TRIM61: variants seen among roughly 807,000 people sequenced by gnomAD.
TRIM61 encodes tripartite motif containing 61.
Under a neutral mutation model 14.2 loss-of-function variants are expected in TRIM61, and 1 was observed. The ratio of observed to expected loss-of-function variants is 0.07; its 90% CI spans 0.03 to 0.33. The LOEUF (loss-of-function observed/expected upper bound fraction) is 0.33, where lower values mean the gene tolerates loss of function less well. Ranked by LOEUF, TRIM61 falls within the 10% of genes least tolerant of loss-of-function variation. The pLI is 0.99. For missense variants in TRIM61, 19 were observed against 202.2 expected, an observed-to-expected ratio of 0.09 and a Z score of 5.49; for synonymous variants, 8 against 71.6, an observed-to-expected ratio of 0.11 and a Z score of 4.49.
chr4:164,973,494 C>T (rs1174996755), intron 2 of TRIM61, among the ~76,000 whole-genome samples: 1 of 152,068 alleles, frequency 6.6e-6, no homozygotes, highest in Non-Finnish European at 1.5e-5. Flanking sequence ...CTTACTGATC[C>T]AACACTACAA....
chr4:164,955,936 C>G (rs777286991), intron 3 of TRIM61, among the ~76,000 whole-genome samples: 7 of 152,200 alleles, frequency 4.6e-5, no homozygotes, highest in Non-Finnish European at 1.0e-4. Context: ...ACAAAGGAGA[C>G]AGAATCTGAG....
chr4:164,974,723 AAAAG>A (rs1732444559), intron 2 of TRIM61, among the ~76,000 whole-genome samples: 1 of 152,038 alleles, frequency 6.6e-6, no homozygotes, highest in African/African-American at 2.4e-5. Flanking sequence ...CTACAAAAGG[AAAAG>A]AAAGAAAAGA....
chr4:164,957,014 C>T (rs1045481328), intron 3 of TRIM61: 41 of 1,492,046 alleles, frequency 2.7e-5, no homozygotes, highest in Non-Finnish European at 3.3e-5. Context: ...GCGCCATGTA[C>T]CACAGTGGAT....
intron 2 of TRIM61, among the ~76,000 whole-genome samples, 157 bp from the exon 3 acceptor site, chr4:164,970,496 T>TAA (rs201077044): frequency 1.4e-5 from 2 of 143,156 alleles, no homozygotes; most frequent in Non-Finnish European, 1.5e-5. Flanking sequence ...CATTACTTAT[T>TAA]AAAAAAAAAA....
intron 3 of TRIM61, chr4:164,968,982 C>A (rs1455295045): frequency 2.9e-6 from 3 of 1,027,424 alleles, no homozygotes; most frequent in African/African-American, 1.7e-5. Context: ...CCCTTAGAAC[C>A]CAGAACAGCT....
chr4:164,956,889 T>A, intron 3 of TRIM61: 1 of 868,174 alleles, frequency 1.2e-6, no homozygotes, highest in Admixed American at 3.1e-5. Context: ...GCTGGGCGAG[T>A]CCGTAGCGGA....
intron 3 of TRIM61, among the ~76,000 whole-genome samples, chr4:164,959,521 G>A (rs1732087477): frequency 6.6e-6 from 1 of 152,028 alleles, no homozygotes; most frequent in Non-Finnish European, 1.5e-5. Context: ...ATGTGTGCTA[G>A]GCCCAGCATT....
At chr4:164,959,579 A>G (rs1321240764) in intron 3 of TRIM61, among the ~76,000 whole-genome samples, 1 of 152,218 alleles carries the variant, frequency 6.6e-6, no homozygotes, top group East Asian at 1.9e-4. Context: ...CACATGCCTG[A>G]GACCAAAGTT....
At position 164,967,661 on chromosome 4, in the gene TRIM61, A is replaced by G. The variant is rs181006899; in HGVS notation, c.525+1817T>C. On this transcript the variant is annotated intron_variant, in intron 3 of 4. Transcript: ENST00000329314. ...AATACTAACAAAGGCACACACAATA[A>G]AAAATAAAGTAAGTTACTTAGAAAT... Among the ~76,000 whole-genome samples the G allele has an allele frequency of 3.3e-4, 50 of 152,250 alleles. 1 individual carries two copies. The highest frequency in any genetic ancestry group is 2.1e-3 in the Admixed American group (32 of 15,274).
intron 3 of TRIM61, among the ~76,000 whole-genome samples, chr4:164,961,702 A>T (rs1732140317): frequency 6.6e-6 from 1 of 152,210 alleles, no homozygotes; most frequent in Non-Finnish European, 1.5e-5. Flanking sequence ...CCCCAAAACA[A>T]GAAAAATGAT....
At chr4:164,955,651 A>G (rs1731970276) in intron 3 of TRIM61, among the ~76,000 whole-genome samples, 1 of 151,968 alleles carries the variant, frequency 6.6e-6, no homozygotes, top group African/African-American at 2.4e-5. Context: ...TTAAAGGGAA[A>G]TTGAGGTTGA....
At chr4:164,973,154 T>C (rs1732407076) in intron 2 of TRIM61, among the ~76,000 whole-genome samples, 1 of 152,218 alleles carries the variant, frequency 6.6e-6, no homozygotes, top group Non-Finnish European at 1.5e-5. Flanking sequence ...TGTCAGGCAC[T>C]ATGCTAAGGA....
chr4:164,964,121 G>A (rs1289117181), intron 3 of TRIM61, among the ~76,000 whole-genome samples: 6 of 151,684 alleles, frequency 4.0e-5, no homozygotes, highest in African/African-American at 1.2e-4. Flanking sequence ...AGGCCGAGGC[G>A]GGCTGATCAC....
chr4:164,969,117 C>A, intron 3 of TRIM61: 1 of 1,109,954 alleles, frequency 9.0e-7, no homozygotes, highest in South Asian at 2.5e-5. Context: ...AGAATTACAT[C>A]TACTTGAAAT....
chr4:164,958,245 T>C (rs1321139296), intron 3 of TRIM61: 1 of 167,092 alleles, frequency 6.0e-6, no homozygotes, highest in Non-Finnish European at 1.5e-5. Context: ...TGTAATAACT[T>C]TGCCAAAGTA....
rs1732322529 is a variant in TRIM61 at position 164,969,820 on chromosome 4, T to C, written c.183A>G (p.Pro61=). 5.0e-6 allele frequency: 8 copies of C among 1,614,022 alleles called. No individual in the cohort carries two copies. In the East Asian group the frequency reaches 1.6e-4, roughly 31 times the overall value. The change falls in exon 3 of 5, where the codon CCA becomes CCG. Residue 61 remains proline (P), a synonymous_variant. Transcript: ENST00000329314. ...GGGGATTGCTTATAAATTTCCTTTC[T>C]GGACAGCAAAAGTGGCAAAAGGGGC... is the stretch of plus-strand genomic sequence containing the variant.
At chr4:164,977,154 CA>C (rs1350317515) in intron 1 of TRIM61, among the ~76,000 whole-genome samples, 1 of 152,152 alleles carries the variant, frequency 6.6e-6, no homozygotes, top group Admixed American at 6.5e-5. Flanking sequence ...GTGAGGATTA[CA>C]GGATGCTTAC....
At chr4:164,967,106 T>C (rs1303329086) in intron 3 of TRIM61, among the ~76,000 whole-genome samples, 1 of 152,134 alleles carries the variant, frequency 6.6e-6, no homozygotes, top group African/African-American at 2.4e-5. Context: ...AAAAATTAGT[T>C]TTCTGTATAC....
intron 2 of TRIM61, among the ~76,000 whole-genome samples, chr4:164,970,704 A>T (rs948973816): frequency 1.2e-4 from 18 of 152,166 alleles, no homozygotes; most frequent in African/African-American, 4.1e-4. Context: ...ATTAAAAAAA[A>T]AGGTTTCTAC....
Sources: allele counts gnomAD v4.1 joint callset (sites outside exome capture counted in the v4.1 genomes callset), GRCh38; gene constraint gnomAD v4.1.1; transcripts MANE v1.5; gene names NCBI Gene and HGNC (gene_info 2026-07-23, HGNC 2026-07-21).